Variants in FSTL5 observed in about 807,000 individuals in gnomAD.
FSTL5 encodes the protein follistatin like 5, also known as follistatin-related protein 5.
A neutral mutation model predicts 89.1 loss-of-function variants in FSTL5; 62 were observed. The ratio of observed to expected loss-of-function variants is 0.70; its 90% CI spans 0.57 to 0.86. The LOEUF (loss-of-function observed/expected upper bound fraction) is 0.86. Among genes scored for constraint, FSTL5 ranks in the 40% least tolerant of loss-of-function variants. The pLI is 0.00. For synonymous variants in FSTL5, 383 were observed against 346.2 expected (o/e 1.11, Z -1.18); for missense variants, 1,057 against 1,001.6 (o/e 1.06, Z -0.75).
At chr4:162,154,635 A>G (rs1190986498) in intron 1 of FSTL5, among the ~76,000 whole-genome samples, 1 of 152,192 alleles carries the variant, frequency 6.6e-6, no homozygotes, top group African/African-American at 2.4e-5. Flanking sequence ...AAATGGGAAA[A>G]CACAGCAGAT....
rs143461811 is a variant in FSTL5, at chr4:162,074,723, A to C, written c.126+36548T>G. Among the ~76,000 whole-genome samples the C allele has an allele frequency of 4.5e-3, 683 of 151,872 alleles. 5 individuals are homozygous for C. Among genetic ancestry groups the C allele is most frequent in the African/African-American group, 0.015 (640 of 41,510 alleles). On this transcript the variant is annotated intron_variant, in intron 2 of 15. Transcript: ENST00000306100. ...GTATACATTGTGGGATGGTTGAATCAAGCTAATTAACATACGCATTACCTC... is the reference window on the plus strand; with the variant it reads ...GTATACATTGTGGGATGGTTGAATCCAGCTAATTAACATACGCATTACCTC...
intron 1 of FSTL5, among the ~76,000 whole-genome samples, chr4:162,141,411 G>A (rs1393273049): frequency 1.1e-5 from 1 of 89,150 alleles, no homozygotes; most frequent in African/African-American, 3.7e-5. Flanking sequence ...CACCGCGCCC[G>A]GCCTCCCTTC....
At chr4:161,658,787 T>C (rs1736608359) in intron 6 of FSTL5, among the ~76,000 whole-genome samples, 2 of 152,200 alleles carry the variant, frequency 1.3e-5, no homozygotes, top group Non-Finnish European at 2.9e-5. Context: ...GAATTATTAA[T>C]AATTTCCCAT....
intron 7 of FSTL5, among the ~76,000 whole-genome samples, chr4:161,640,467 A>G (rs1324884901): frequency 1.3e-5 from 2 of 152,186 alleles, no homozygotes; most frequent in Non-Finnish European, 2.9e-5. Flanking sequence ...GAATTAGGAA[A>G]CCTAAATAGA....
At chr4:161,510,497 ATAT>A in intron 10 of FSTL5, 73 bp from the exon 11 acceptor site, 4 of 833,708 alleles carry the variant, frequency 4.8e-6, no homozygotes, top group Non-Finnish European at 7.4e-6. Context: ...GGTAATATAA[ATAT>A]TATTAAAGAT....
rs1053384826 is a variant in FSTL5, at chr4:161,933,805, C to G, written c.161-13153G>C. Among the ~76,000 whole-genome samples, 4 of 151,858 alleles carry G rather than the reference C, an allele frequency of 2.6e-5. 1 individual carries two copies. The highest frequency in any genetic ancestry group is 2.1e-4 in the South Asian group (1 of 4,816). On this transcript the variant is annotated intron_variant, in intron 3 of 15. Coordinates refer to ENST00000306100, the MANE Select transcript of FSTL5 (RefSeq NM_020116.5). ...GTACAGTTATCCCAATAAAAGAAAC[C>G]TAGCAAAACTTACTATGTCTCCTTT...
intron 8 of FSTL5, among the ~76,000 whole-genome samples, chr4:161,562,116 C>T (rs951069595): frequency 6.6e-6 from 1 of 151,978 alleles, no homozygotes; most frequent in Admixed American, 6.6e-5. Context: ...CATGGTTTTG[C>T]AATTTTTCTT....
intron 11 of FSTL5, among the ~76,000 whole-genome samples, chr4:161,505,239 A>G (rs1730435317): frequency 6.6e-6 from 1 of 152,138 alleles, no homozygotes; most frequent in East Asian, 1.9e-4. Context: ...GCACGGATAG[A>G]TCTTTGGTTC....
chr4:161,434,295 T>A (rs1732481522), intron 15 of FSTL5, among the ~76,000 whole-genome samples: 1 of 151,910 alleles, frequency 6.6e-6, no homozygotes, highest in Non-Finnish European at 1.5e-5. Context: ...GCCAAGAACA[T>A]ACATTCAGGA....
At chr4:161,778,289 G>A (rs1229284091) in intron 4 of FSTL5, among the ~76,000 whole-genome samples, 1 of 152,142 alleles carries the variant, frequency 6.6e-6, no homozygotes, top group African/African-American at 2.4e-5. Flanking sequence ...AAAAAATGCA[G>A]TGCATAAATA....
intron 3 of FSTL5, among the ~76,000 whole-genome samples, chr4:161,945,981 C>G (rs1481148156): frequency 6.6e-6 from 1 of 151,418 alleles, no homozygotes; most frequent in East Asian, 1.9e-4. Flanking sequence ...TCCTAATGAT[C>G]TTCTTCTGGT....
intron 14 of FSTL5, among the ~76,000 whole-genome samples, chr4:161,457,505 T>C (rs1453722936): frequency 1.2e-4 from 19 of 152,098 alleles, no homozygotes; most frequent in Admixed American, 1.2e-3. Context: ...GTCAAAGGAA[T>C]TTGTCTAAAC....
intron 3 of FSTL5, among the ~76,000 whole-genome samples, chr4:161,985,388 A>C (rs1735936013): frequency 2.6e-5 from 4 of 152,124 alleles, no homozygotes; most frequent in Admixed American, 2.6e-4. Flanking sequence ...AAGTAGAACT[A>C]GTTTTTTTGA....
chr4:161,960,468 C>A (rs1182209107), intron 3 of FSTL5, among the ~76,000 whole-genome samples: 1 of 151,840 alleles, frequency 6.6e-6, no homozygotes, highest in Admixed American at 6.6e-5. Flanking sequence ...CAGGTGTGAG[C>A]CACCACGCCT....
At chr4:161,996,383 A>G (rs1483513421) in intron 3 of FSTL5, among the ~76,000 whole-genome samples, 1 of 152,146 alleles carries the variant, frequency 6.6e-6, no homozygotes, top group East Asian at 1.9e-4. Context: ...TGAGTCATCT[A>G]CATCTCTTCC....
At chr4:161,485,227 T>C (rs1360490730) in intron 12 of FSTL5, among the ~76,000 whole-genome samples, 1 of 152,360 alleles carries the variant, frequency 6.6e-6, no homozygotes, top group South Asian at 2.1e-4. Context: ...ACCTTAATTA[T>C]CATTTTTGTC....
At chr4:161,402,892 G>A (rs1025853488) in intron 15 of FSTL5, among the ~76,000 whole-genome samples, 3 of 151,456 alleles carry the variant, frequency 2.0e-5, no homozygotes, top group Non-Finnish European at 4.4e-5. Flanking sequence ...CATGATCTTG[G>A]CTCACTGCAA....
chr4:162,075,500 G>A (rs10517759), intron 2 of FSTL5, among the ~76,000 whole-genome samples: 10,614 of 151,874 alleles, frequency 0.07, 494 homozygotes, highest in East Asian at 0.16. Flanking sequence ...ACATTCCTGT[G>A]TTTGGTCATC....
intron 6 of FSTL5, among the ~76,000 whole-genome samples, chr4:161,717,227 T>C (rs759947486): frequency 7.2e-5 from 11 of 152,368 alleles, no homozygotes; most frequent in Middle Eastern, 3.4e-3. Context: ...GGTATGCAGA[T>C]TCTATTTTCT....
Sources: allele counts gnomAD v4.1 joint callset (sites outside exome capture counted in the v4.1 genomes callset), GRCh38; gene constraint gnomAD v4.1.1; transcripts MANE v1.5; gene names NCBI Gene and HGNC (gene_info 2026-07-23, HGNC 2026-07-21).